PRKAG2: variants seen among roughly 807,000 people sequenced by gnomAD.
The protein encoded by PRKAG2 is protein kinase AMP-activated non-catalytic subunit gamma 2, also known as 5'-AMP-activated protein kinase subunit gamma-2.
PRKAG2 carries 26 observed loss-of-function variants against 69.6 expected under a neutral mutation model. That is an observed-to-expected ratio of 0.37 (90% CI 0.27 to 0.52). The LOEUF (loss-of-function observed/expected upper bound fraction) is 0.52, where lower values mean the gene tolerates loss of function less well. Among genes scored for constraint, PRKAG2 ranks in the 20% least tolerant of loss-of-function variants. The pLI is 0.90. For missense variants in PRKAG2, 557 were observed against 740.0 expected (o/e 0.75, Z 2.87); for synonymous variants, 293 against 285.0 (o/e 1.03, Z -0.28).
Position 151,680,081 on chromosome 7 carries a change from A to G in PRKAG2, c.467-4444T>C, listed in dbSNP as rs560444122. On this transcript the variant is annotated intron_variant, in intron 3 of 15. Coordinates refer to ENST00000287878, the MANE Select transcript of PRKAG2 (RefSeq NM_016203.4). ...AACACAACACAACAAAATGAGCCCA[A>G]ACTGCACCCATGCAGGCATTGGGCA... is the stretch of plus-strand genomic sequence containing the variant. Among the ~76,000 whole-genome samples the G allele has an allele frequency of 2.5e-3, 373 of 152,218 alleles. 2 individuals are homozygous for G. Among genetic ancestry groups the G allele is most frequent in the Non-Finnish European group, 3.8e-3 (261 of 68,012 alleles).
chr7:151,830,149 A>G (rs974533921), intron 1 of PRKAG2, among the ~76,000 whole-genome samples: 1 of 142,432 alleles, frequency 7.0e-6, no homozygotes, highest in Non-Finnish European at 1.5e-5. Context: ...CATGCTCACG[A>G]GGGGACACCT....
intron 3 of PRKAG2, among the ~76,000 whole-genome samples, chr7:151,743,948 C>A (rs545990755): frequency 2.6e-5 from 4 of 152,208 alleles, no homozygotes; most frequent in South Asian, 2.1e-4. Context: ...CCAGCCCCCC[C>A]ACATCTGGAT....
chr7:151,870,625 C>T (rs1320981089), intron 1 of PRKAG2, among the ~76,000 whole-genome samples: 1 of 152,206 alleles, frequency 6.6e-6, no homozygotes, highest in African/African-American at 2.4e-5. Flanking sequence ...GTTCGATCCT[C>T]CAGCCCCGGG....
intron 4 of PRKAG2, among the ~76,000 whole-genome samples, chr7:151,660,385 C>A (rs1758874257): frequency 6.6e-6 from 1 of 152,092 alleles, no homozygotes. Context: ...TACTTAGTTT[C>A]TTAAAAGAAT....
At chr7:151,738,519 G>A (rs956922529) in intron 3 of PRKAG2, among the ~76,000 whole-genome samples, 2 of 152,268 alleles carry the variant, frequency 1.3e-5, no homozygotes, top group African/African-American at 4.8e-5. Flanking sequence ...GTGGGTTTAC[G>A]GAAATGAGGG....
intron 3 of PRKAG2, among the ~76,000 whole-genome samples, chr7:151,735,281 C>T (rs1799592522): frequency 6.6e-6 from 1 of 152,162 alleles, no homozygotes; most frequent in Non-Finnish European, 1.5e-5. Context: ...AAACCCACTC[C>T]AAGTCTGCAG....
At chr7:151,841,098 C>T (rs1176712630) in intron 1 of PRKAG2, among the ~76,000 whole-genome samples, 4 of 152,210 alleles carry the variant, frequency 2.6e-5, no homozygotes, top group African/African-American at 7.2e-5. Flanking sequence ...AAACAATTCT[C>T]TCACCCTGCC....
Position 151,587,817 on chromosome 7 carries a change from CATT to C in PRKAG2, c.864+7525_864+7527del, listed in dbSNP as rs969507364. On this transcript the variant is annotated intron_variant, in intron 6 of 15. Transcript: ENST00000287878. ...GATGGGATCCTCCAACAGAAAACGG[CATT>C]ATGCAAAAACTAAGGAAATCTGAAG... 3.9e-5 allele frequency among the ~76,000 whole-genome samples: 6 copies of C among 152,222 alleles called. No homozygotes were observed. The East Asian group carries it at 7.7e-4, about 20-fold the overall frequency.
At chr7:151,566,038 C>T (rs960679476) in intron 11 of PRKAG2, among the ~76,000 whole-genome samples, 153 bp from the exon 12 acceptor site, 1 of 152,192 alleles carries the variant, frequency 6.6e-6, no homozygotes, top group Non-Finnish European at 1.5e-5. Context: ...GAGAAAATTA[C>T]AAAGGACTGT....
chr7:151,568,050 A>T (rs1806669282), intron 11 of PRKAG2, among the ~76,000 whole-genome samples: 1 of 152,224 alleles, frequency 6.6e-6, no homozygotes, highest in African/African-American at 2.4e-5. Context: ...CTCAAATTCC[A>T]TGCATGTAAT....
Position 151,558,665 on chromosome 7 carries a change from A to T in PRKAG2, c.1679-1433T>A, listed in dbSNP as rs4726047. The T allele has an allele frequency of 8.1e-4, 800 of 982,616 alleles. 2 individuals are homozygous for T. The highest frequency in any genetic ancestry group is 7.3e-3 in the South Asian group (156 of 21,226). The allele number at this position is 982,616 out of a possible 1,614,324, so 60.9% of individuals were successfully genotyped here. On this transcript the variant is annotated intron_variant, in intron 15 of 15. Transcript: ENST00000287878. ...AGTAACACGGAATGTTTTCCTCAAC[A>T]AATCGTGTTGTATACACTGTATCAT... is the stretch of plus-strand genomic sequence containing the variant.
intron 6 of PRKAG2, among the ~76,000 whole-genome samples, chr7:151,590,898 G>A (rs1812946522): frequency 6.6e-6 from 1 of 152,238 alleles, no homozygotes; most frequent in African/African-American, 2.4e-5. Context: ...AGCCGGCAGT[G>A]GCTCTAACCG....
chr7:151,801,853 C>T (rs942558524), intron 1 of PRKAG2, among the ~76,000 whole-genome samples: 1 of 152,048 alleles, frequency 6.6e-6, no homozygotes, highest in African/African-American at 2.4e-5. Context: ...TTTTTTCAAA[C>T]AAGAAAAAGC....
chr7:151,821,643 C>CCCCT (rs1376392237), intron 1 of PRKAG2, among the ~76,000 whole-genome samples: 2 of 152,148 alleles, frequency 1.3e-5, no homozygotes, highest in African/African-American at 4.8e-5. Context: ...TATAACAATG[C>CCCCT]CCCTAAGCAA....
chr7:151,772,106 A>G (rs554987885), intron 3 of PRKAG2, among the ~76,000 whole-genome samples: 6 of 152,330 alleles, frequency 3.9e-5, no homozygotes, highest in African/African-American at 1.4e-4. Context: ...TCCTGTGGGG[A>G]ATCAGTAGTG....
At chr7:151,758,666 CT>C (rs893400225) in intron 3 of PRKAG2, among the ~76,000 whole-genome samples, 32 of 152,086 alleles carry the variant, frequency 2.1e-4, no homozygotes, top group African/African-American at 7.7e-4. Flanking sequence ...ACTGATAGAC[CT>C]GGGGGGATGA....
At chr7:151,659,367 A>G (rs1829966127) in intron 4 of PRKAG2, among the ~76,000 whole-genome samples, 1 of 152,184 alleles carries the variant, frequency 6.6e-6, no homozygotes, top group Non-Finnish European at 1.5e-5. Flanking sequence ...TGGCATGTCC[A>G]CCACTCCCAT....
chr7:151,846,188 T>G (rs1037035116), intron 1 of PRKAG2, among the ~76,000 whole-genome samples: 1 of 152,204 alleles, frequency 6.6e-6, no homozygotes, highest in Non-Finnish European at 1.5e-5. Context: ...TAAAAATAAA[T>G]GTAAGGCCGG....
intron 5 of PRKAG2, among the ~76,000 whole-genome samples, chr7:151,603,288 C>A (rs1816641254): frequency 4.7e-5 from 1 of 21,126 alleles, no homozygotes; most frequent in African/African-American, 3.0e-4. Context: ...CCGTCCTCAC[C>A]GCACACGGAG....
Sources: gnomAD v4.1 joint callset for allele counts (sites outside exome capture counted in the v4.1 genomes callset) on GRCh38, gnomAD v4.1.1 for gene constraint, MANE v1.5 for transcripts, NCBI Gene and HGNC (gene_info 2026-07-23, HGNC 2026-07-21) for gene names.